PARD3B: variants seen among roughly 807,000 people sequenced by gnomAD.
PARD3B encodes par-3 family cell polarity regulator beta, also known as partitioning defective 3 homolog B.
A neutral mutation model predicts 130.2 loss-of-function variants in PARD3B; 103 were observed. The observed-to-expected ratio is 0.79, with a 90% CI of 0.67 to 0.93. The LOEUF (loss-of-function observed/expected upper bound fraction) is 0.93, where lower values mean the gene tolerates loss of function less well. PARD3B is among the 40% of genes least tolerant of loss of function. The pLI is 0.00. For missense variants in PARD3B, 1,609 were observed against 1,499.2 expected (o/e 1.07, Z -1.21); for synonymous variants, 583 against 553.2 (o/e 1.05, Z -0.76).
chr2:205,481,617 C>CCAGTAGTCA (rs1178148477), intron 20 of PARD3B, among the ~76,000 whole-genome samples: 41 of 152,198 alleles, frequency 2.7e-4, no homozygotes, highest in Admixed American at 2.2e-3. Flanking sequence ...ATAGTAGAGC[C>CCAGTAGTCA]CAGTAGTCAT....
chr2:205,335,158 G>A (rs2043265798), intron 18 of PARD3B, among the ~76,000 whole-genome samples: 1 of 152,128 alleles, frequency 6.6e-6, no homozygotes, highest in South Asian at 2.1e-4. Context: ...CCCTCTCATG[G>A]AATTTATAAT....
rs201663604 is a variant in PARD3B at position 204,927,020 on chromosome 2, A to AC, written c.223-38125dup. Among the ~76,000 whole-genome samples the AC allele has an allele frequency of 4.5e-3, 685 of 151,932 alleles. 26 individuals are homozygous for AC. Among genetic ancestry groups the AC allele is most frequent in the Admixed American group, 0.043 (649 of 15,246 alleles). On this transcript the variant is annotated intron_variant, in intron 2 of 22. Coordinates refer to ENST00000406610, the MANE Select transcript of PARD3B (RefSeq NM_001302769.2). ...TTGGGATTATAGGCAGAATTATGATACCCCCCCAAAAAGAAATCCAAAGAT... is the reference window on the plus strand; with the variant it reads ...TTGGGATTATAGGCAGAATTATGATACCCCCCCCAAAAAGAAATCCAAAGAT...
At chr2:205,206,679 G>A (rs938143914) in intron 15 of PARD3B, among the ~76,000 whole-genome samples, 5 of 151,920 alleles carry the variant, frequency 3.3e-5, no homozygotes, top group Admixed American at 2.6e-4. Context: ...ATAAACATAC[G>A]TGTGCATGTG....
Position 205,559,298 on chromosome 2 carries a change from C to T in PARD3B, c.3260+5895C>T, listed in dbSNP as rs150640101. Among the ~76,000 whole-genome samples, 575 of 152,236 alleles carry T rather than the reference C, an allele frequency of 3.8e-3. 7 individuals are homozygous for T. Among genetic ancestry groups the T allele is most frequent in the African/African-American group, 0.013 (538 of 41,536 alleles). On this transcript the variant is annotated intron_variant, in intron 22 of 22. Coordinates refer to ENST00000406610, the MANE Select transcript of PARD3B (RefSeq NM_001302769.2). The stretch of plus-strand genomic sequence containing the variant: ...TAGCTGGGACTACAGGCACGCACCA[C>T]GATGCCCAGCTAAATTTTGCATTTT...
intron 2 of PARD3B, among the ~76,000 whole-genome samples, chr2:204,912,364 C>T (rs2047270693): frequency 1.4e-5 from 2 of 143,806 alleles, no homozygotes; most frequent in Admixed American, 1.4e-4. Flanking sequence ...AGAAGTAACT[C>T]AACAGAATAA....
intron 1 of PARD3B, among the ~76,000 whole-genome samples, chr2:204,668,876 G>T (rs559917473): frequency 6.6e-6 from 1 of 152,278 alleles, no homozygotes; most frequent in Admixed American, 6.5e-5. Flanking sequence ...AATCACAGGG[G>T]TCTTTATTTG....
Position 205,172,521 on chromosome 2 carries a change from G to A in PARD3B, c.1791+140G>A, listed in dbSNP as rs893289279. The A allele has an allele frequency of 1.8e-4, 147 of 805,974 alleles. No individual in the cohort carries two copies. The Middle Eastern group carries it at 2.6e-3, about 14-fold the overall frequency. 49.9% of individuals were successfully genotyped at this position (805,974 alleles called of 1,614,324 possible). On this transcript the variant is annotated intron_variant, in intron 12 of 22. Transcript: ENST00000406610. ...GCTTTGATGGGAAACAGGTGGTTGT[G>A]TATTTTAGGTATAATAGAAAGGTGT...
intron 1 of PARD3B, among the ~76,000 whole-genome samples, chr2:204,639,241 A>G (rs1412515408): frequency 1.3e-5 from 2 of 152,220 alleles, no homozygotes; most frequent in Non-Finnish European, 2.9e-5. Flanking sequence ...ATAGTGAAAG[A>G]TGGGGCAGAA....
At chr2:204,987,788 G>A (rs1405503699) in intron 3 of PARD3B, among the ~76,000 whole-genome samples, 2 of 151,896 alleles carry the variant, frequency 1.3e-5, no homozygotes, top group South Asian at 2.1e-4. Flanking sequence ...TGTTAAACAT[G>A]TATCAGAAAA....
chr2:205,240,053 A>G (rs980001391), intron 15 of PARD3B, among the ~76,000 whole-genome samples: 1 of 152,132 alleles, frequency 6.6e-6, no homozygotes, highest in Admixed American at 6.5e-5. Context: ...AAGCAGAATC[A>G]TTATGCCAAA....
At position 205,253,457 on chromosome 2, in the gene PARD3B, G is replaced by A. The variant is rs2039944177; in HGVS notation, c.2185+7635G>A. Reference sequence around the variant, plus strand: ...ATGGGAAGCCAGTATGGATCACCTTGTGGATGGATGCAAAGAGACCAAACT... The same window carrying A: ...ATGGGAAGCCAGTATGGATCACCTTATGGATGGATGCAAAGAGACCAAACT... On this transcript the variant is annotated intron_variant, in intron 16 of 22. Coordinates refer to ENST00000406610, the MANE Select transcript of PARD3B (RefSeq NM_001302769.2). The surrounding 1 kb of genome is among the most constrained non-coding windows in gnomAD (Gnocchi z 4.4). The A allele has an allele frequency of 1.8e-6, 1 of 561,740 alleles. No individual in the cohort carries two copies. The highest frequency in any genetic ancestry group is 1.9e-5 in the African/African-American group (1 of 52,808). 34.8% of individuals were successfully genotyped at this position (561,740 alleles called of 1,614,324 possible).
intron 1 of PARD3B, among the ~76,000 whole-genome samples, chr2:204,555,418 C>T (rs138889953): frequency 0.016 from 2,398 of 152,082 alleles, 68 homozygotes; most frequent in African/African-American, 0.055. Flanking sequence ...ATTAGCCAGA[C>T]GTGGTGGCAC....
In PARD3B at chr2:205,287,048, A is replaced by T. The variant is rs896512194; in HGVS notation, c.2186-13482A>T. ...AGAAGATTTGTCACTTGTAAAATCC[A>T]TGCAGCAACAGACTGGAACATGCCT... On this transcript the variant is annotated intron_variant, in intron 16 of 22. Coordinates refer to ENST00000406610, the MANE Select transcript of PARD3B (RefSeq NM_001302769.2). The surrounding 1 kb of genome is among the most constrained non-coding windows in gnomAD (Gnocchi z 4.8). 6.6e-6 allele frequency among the ~76,000 whole-genome samples: 1 copy of T among 152,214 alleles called. No homozygotes were observed. Among genetic ancestry groups the T allele is most frequent in the African/African-American group, 2.4e-5 (1 of 41,446 alleles).
At chr2:205,039,163 C>T (rs1293672760) in intron 3 of PARD3B, among the ~76,000 whole-genome samples, 2 of 151,890 alleles carry the variant, frequency 1.3e-5, no homozygotes, top group African/African-American at 4.8e-5. Context: ...AAAATCTATA[C>T]AAAAAGAGAA....
At position 204,799,709 on chromosome 2, in the gene PARD3B, A is replaced by G. The variant is rs868651884; in HGVS notation, c.222+113427A>G. On this transcript the variant is annotated intron_variant, in intron 2 of 22. Coordinates refer to ENST00000406610, the MANE Select transcript of PARD3B (RefSeq NM_001302769.2). The surrounding 1 kb of genome is among the most constrained non-coding windows in gnomAD (Gnocchi z 4.1). Reference sequence around the variant, plus strand: ...TTTGGGGGCAAAGTGAGGGAAGAGAACAAGAGTCTCTGCCTGGTAATCCAG... The same window carrying G: ...TTTGGGGGCAAAGTGAGGGAAGAGAGCAAGAGTCTCTGCCTGGTAATCCAG... Among the ~76,000 whole-genome samples the G allele has an allele frequency of 7.6e-4, 115 of 152,218 alleles. No individual in the cohort carries two copies. Among genetic ancestry groups the G allele is most frequent in the African/African-American group, 2.7e-3 (111 of 41,472 alleles).
intron 3 of PARD3B, among the ~76,000 whole-genome samples, chr2:204,998,174 G>T (rs1694402713): frequency 6.7e-6 from 1 of 149,304 alleles, no homozygotes; most frequent in African/African-American, 2.4e-5. Flanking sequence ...CTGTCATGGG[G>T]TGGGATCTAG....
rs1001328777 is a variant in PARD3B at position 205,288,483 on chromosome 2, A to G, written c.2186-12047A>G. ...AATTTATTCTATGTGTGTCTTCCAT[A>G]TTATTTTTTCTCTGAATACCAATAT... On this transcript the variant is annotated intron_variant, in intron 16 of 22. Coordinates refer to ENST00000406610, the MANE Select transcript of PARD3B (RefSeq NM_001302769.2). This position sits in a 1 kb window ranked among gnomAD's most constrained non-coding sequence, Gnocchi z 4.0. 2.6e-5 allele frequency among the ~76,000 whole-genome samples: 4 copies of G among 152,150 alleles called. No individual in the cohort carries two copies. The highest frequency in any genetic ancestry group is 9.7e-5 in the African/African-American group (4 of 41,402).
intron 15 of PARD3B, among the ~76,000 whole-genome samples, chr2:205,211,911 A>G (rs1385297358): frequency 6.6e-6 from 1 of 152,124 alleles, no homozygotes; most frequent in African/African-American, 2.4e-5. Flanking sequence ...TAAAAGTAAA[A>G]CAAGGGGGTA....
intron 22 of PARD3B, among the ~76,000 whole-genome samples, chr2:205,612,939 C>T (rs1217591199): frequency 6.6e-6 from 1 of 152,168 alleles, no homozygotes; most frequent in Admixed American, 6.5e-5. Context: ...CGACTGTCCC[C>T]CCATGTGCTC....
Sources: gnomAD v4.1 joint callset for allele counts (sites outside exome capture counted in the v4.1 genomes callset) on GRCh38, gnomAD v4.1.1 for gene constraint, Gnocchi (gnomAD v3.1) non-coding constraint, MANE v1.5 for transcripts, NCBI Gene and HGNC (gene_info 2026-07-23, HGNC 2026-07-21) for gene names.